The following PLEC variants were observed in gnomAD, a reference collection of about 807,000 sequenced individuals.
PLEC encodes hemidesmosomal protein 1.
Under a neutral mutation model 392.8 loss-of-function variants are expected in PLEC, and 216 were observed. That is an observed-to-expected ratio of 0.55 (90% CI 0.49 to 0.62). PLEC has a LOEUF of 0.62. Ranked by LOEUF, PLEC falls within the 20% of genes least tolerant of loss-of-function variation. The pLI is 0.00. For missense variants in PLEC, 6,863 were observed against 6,563.4 expected (o/e 1.05, Z -1.58); for synonymous variants, 3,621 against 2,980.6 (o/e 1.21, Z -7.00).
Position 143,920,444 on chromosome 8 carries a change from G to A in PLEC, c.9377C>T (p.Pro3126Leu), listed in dbSNP as rs868966940. 6.3e-7 allele frequency: 1 copy of A among 1,599,706 alleles called. No individual in the cohort carries two copies. Among genetic ancestry groups the A allele is most frequent in the Admixed American group, 1.7e-5 (1 of 59,472 alleles). ...CAACAGGCGCAGGCCCTGCTCCCGG[G>A]GAATGAGGCCCTTCTTCAGGGCCTG... ...LFQALKKGLI[P>L]REQGLRLLDA... Residue 3126 changes from proline to leucine, a missense_variant, in exon 32 of 32, where the codon CCC becomes CTC. Pro to Leu is a moderately conservative substitution (Grantham distance 98, BLOSUM62 -3). Transcript: ENST00000345136.
At chr8:143,942,548 C>A (rs781990073), upstream of PLEC, 53 of 1,540,054 alleles carry the variant, frequency 3.4e-5, no homozygotes, top group Admixed American at 5.8e-5. Context: ...GTTCGGCCCA[C>A]GGACAGTGCG....
rs1222114368 is a variant in PLEC at position 143,973,529 on chromosome 8, T to C, written c.-57A>G. On this transcript the variant is annotated 5_prime_UTR_variant, in exon 1 of 32. Transcript: ENST00000356346. The surrounding 1 kb of genome is among the most constrained non-coding windows in gnomAD (Gnocchi z 5.6). ...AGCCTCCAGCACCCGGCGGCCACTC[T>C]GTCCCCGCGGCCGCGCGCGCCGCTT... The C allele has an allele frequency of 6.6e-5, 79 of 1,204,692 alleles. No homozygotes were observed. Among genetic ancestry groups the C allele is most frequent in the Admixed American group, 9.3e-5 (2 of 21,482 alleles). The allele number at this position is 1,204,692 out of a possible 1,614,324, so 74.6% of individuals were successfully genotyped here.
intron 1 of PLEC, among the ~76,000 whole-genome samples, chr8:143,946,815 C>A (rs963540899): frequency 1.4e-5 from 2 of 145,736 alleles, no homozygotes; most frequent in Non-Finnish European, 3.0e-5. Flanking sequence ...AGGAGCCAGG[C>A]GGGAGCAGAG....
intron 5 of PLEC, 71 bp downstream of exon 5, chr8:143,936,908 G>C (rs1289846321): frequency 8.1e-7 from 1 of 1,236,070 alleles, no homozygotes; most frequent in African/African-American, 1.5e-5. Context: ...GGATCAACCC[G>C]CCAGCCAAGG....
chr8:143,966,728 G>A (rs1347066733), intron 1 of PLEC, among the ~76,000 whole-genome samples: 2 of 152,144 alleles, frequency 1.3e-5, no homozygotes, highest in African/African-American at 2.4e-5. Context: ...GGCAGGGCTC[G>A]GCTCGGGGGC....
chr8:143,934,674 G>A lies in PLEC; in HGVS notation c.1002C>T (p.Ala334=), dbSNP rs370574829. The change falls in exon 10 of 32, where the codon GCC becomes GCT. Residue 334 remains alanine, a synonymous_variant. Coordinates refer to ENST00000345136, the MANE Select transcript of PLEC (RefSeq NM_201384.3). ...FKEMELPAKE[A]DKNRSKGIYQ... is the part of the protein sequence containing the mutation. ...AGATGCCCTTGGACCTGTTCTTGTC[G>A]GCCTCCTTGGCTGGTAGCTCCATCT... is the stretch of plus-strand genomic sequence containing the variant. 4.8e-5 allele frequency: 78 copies of A among 1,612,924 alleles called. No individual in the cohort carries two copies. The highest frequency in any genetic ancestry group is 2.3e-4 in the Admixed American group (14 of 60,002).
At position 143,927,627 on chromosome 8, in the gene PLEC, C is replaced by A. The variant is rs782477789; in HGVS notation, c.3539G>T (p.Arg1180Leu). The change falls in exon 27 of 32, where the codon CGG becomes CTG. Residue 1180 changes from arginine to leucine, a missense_variant. Arg to Leu is a moderately radical substitution (Grantham distance 102). Coordinates refer to ENST00000345136, the MANE Select transcript of PLEC (RefSeq NM_201384.3). ...CCAGCGCTCAAGCAACTGGGCGACC[C>A]GCTCCCGCCAGCGCTCCACCTCCAC... is the stretch of plus-strand genomic sequence containing the variant. ...RDVEVERWRE[R>L]VAQLLERWQA... is the part of the protein sequence containing the mutation. 33 of 1,584,820 alleles carry A rather than the reference C, an allele frequency of 2.1e-5. No individual in the cohort carries two copies. The highest frequency in any genetic ancestry group is 2.8e-5 in the Non-Finnish European group (33 of 1,169,982).
rs372858742 is a variant in PLEC, at chr8:143,922,237, C to T, written c.7584G>A (p.Gln2528=). 87 of 1,585,396 alleles carry T rather than the reference C, an allele frequency of 5.5e-5. No individual in the cohort carries two copies. The African/African-American group carries it at 1.0e-3, about 19-fold the overall frequency. The change falls in exon 32 of 32, where the codon CAG becomes CAA. Residue 2528 remains glutamine (Q), a synonymous_variant. Transcript: ENST00000345136. ...QLFQDEVAKA[Q]QLREEQQRQQ... is the part of the protein sequence containing the mutation. ...GCCGCTGCTGCTCCTCACGCAGCTG[C>T]TGTGCCTTGGCCACCTCGTCCTGGA...
At position 143,973,269 on chromosome 8, in the gene PLEC, G is replaced by A; in HGVS notation, c.70+134C>T. The A allele has an allele frequency of 8.8e-7, 1 of 1,139,824 alleles. No individual in the cohort carries two copies. The allele number at this position is 1,139,824 out of a possible 1,614,324, so 70.6% of individuals were successfully genotyped here. On this transcript the variant is annotated intron_variant, in intron 1 of 31. Transcript: ENST00000356346. The surrounding 1 kb of genome is among the most constrained non-coding windows in gnomAD (Gnocchi z 5.6). The stretch of plus-strand genomic sequence containing the variant: ...CCCTAGGCACTGGCAGCCGTTGGGG[G>A]CGATCCAGGCGGACGAGGCCGGCGG...
rs559970805 is a variant in PLEC, at chr8:143,927,297, G to C, written c.3795C>G (p.Val1265=). The C allele has an allele frequency of 2.5e-6, 4 of 1,613,274 alleles. No individual in the cohort carries two copies. In the Admixed American group the frequency reaches 6.7e-5, roughly 27 times the overall value. ...LEEIERHGEK[V]EECQRFAKQY... is the part of the protein sequence containing the mutation. The stretch of plus-strand genomic sequence containing the variant: ...GTTTCGCAAACCTCTGGCACTCCTC[G>C]ACCTTCTCGCCGTGGCGCTCGATCT... Residue 1265 remains valine (V), a synonymous_variant, in exon 28 of 32, where the codon GTC becomes GTG. Coordinates refer to ENST00000345136, the MANE Select transcript of PLEC (RefSeq NM_201384.3).
rs1554668478 is a variant in PLEC, at chr8:143,916,280, G to A, written c.13541C>T (p.Ser4514Phe). ...GTAGGAGGATGAAGAGAAGGTCATG[G>A]AGAAGCCGGAGCCGGTGGCGTCAAA... ...GSFDATGSGF[S>F]MTFSSSSYSS... is the part of the protein sequence containing the mutation. Residue 4514 changes from serine (S) to phenylalanine (F), a missense_variant, in exon 32 of 32, where the codon TCC becomes TTC. Coordinates refer to ENST00000345136, the MANE Select transcript of PLEC (RefSeq NM_201384.3). 6.4e-7 allele frequency: 1 copy of A among 1,560,798 alleles called. No homozygotes were observed. The highest frequency in any genetic ancestry group is 8.7e-7 in the Non-Finnish European group (1 of 1,153,416).
rs782370153 is a variant in PLEC at position 143,929,246 on chromosome 8, C to T, written c.3117G>A (p.Gly1039=). ...CGGCCTCGGCAGAGAGCCGGGCGACCCCCTTGCCCAGCCCCTCCACCTCTG... is the reference window on the plus strand; with the variant it reads ...CGGCCTCGGCAGAGAGCCGGGCGACTCCCTTGCCCAGCCCCTCCACCTCTG... The part of the protein sequence containing the change: ...AQAEVEGLGK[G]VARLSAEAEK... The change falls in exon 25 of 32, where the codon GGG becomes GGA. Residue 1039 remains glycine (G), a synonymous_variant. Coordinates refer to ENST00000345136, the MANE Select transcript of PLEC (RefSeq NM_201384.3). 3 of 1,602,056 alleles carry T rather than the reference C, an allele frequency of 1.9e-6. No individual in the cohort carries two copies. In the East Asian group the frequency reaches 6.7e-5, roughly 36 times the overall value.
Position 143,925,191 on chromosome 8 carries a change from T to A in PLEC, c.4738A>T (p.Ser1580Cys). Residue 1580 changes from serine (S) to cysteine (C), a missense_variant, in exon 31 of 32, where the codon AGC becomes TGC. Coordinates refer to ENST00000345136, the MANE Select transcript of PLEC (RefSeq NM_201384.3). ...AQRSAEAELQ[S>C]KRASFAEKTA... ...TTCTCGGCGAAGGAGGCGCGTTTGCTCTGCAGCTCCGCCTCTGCACTGCGC... is the reference window on the plus strand; with the variant it reads ...TTCTCGGCGAAGGAGGCGCGTTTGCACTGCAGCTCCGCCTCTGCACTGCGC... 1 of 1,582,614 alleles carries A rather than the reference T, an allele frequency of 6.3e-7. No homozygotes were observed. Among genetic ancestry groups the A allele is most frequent in the Non-Finnish European group, 8.5e-7 (1 of 1,172,910 alleles).
chr8:143,973,120 G>C lies in PLEC; in HGVS notation c.70+283C>G, dbSNP rs982449634. On this transcript the variant is annotated intron_variant, in intron 1 of 31. Coordinates refer to the PLEC transcript ENST00000356346. This position sits in a 1 kb window ranked among gnomAD's most constrained non-coding sequence, Gnocchi z 5.6. The stretch of plus-strand genomic sequence containing the variant: ...GCCACAGACACCGGATCCTGGCTCA[G>C]ACAGCCGACCCCGACAAGCCCTGAG... 6.6e-6 allele frequency among the ~76,000 whole-genome samples: 1 copy of C among 152,176 alleles called. No individual in the cohort carries two copies. Among genetic ancestry groups the C allele is most frequent in the East Asian group, 1.9e-4 (1 of 5,178 alleles).
At position 143,917,138 on chromosome 8, in the gene PLEC, G is replaced by T. The variant is rs886044804; in HGVS notation, c.12683C>A (p.Ser4228Tyr). The part of the protein sequence containing the change: ...ALDQYRAGTL[S>Y]ITEFADMLSG... ...GAGCATGTCGGCGAACTCGGTGATG[G>T]AGAGCGTGCCGGCGCGGTACTGGTC... The change falls in exon 32 of 32, where the codon TCC becomes TAC. Residue 4228 changes from serine (S) to tyrosine (Y), a missense_variant. Coordinates refer to ENST00000345136, the MANE Select transcript of PLEC (RefSeq NM_201384.3). The T allele has an allele frequency of 6.2e-7, 1 of 1,604,686 alleles. No individual in the cohort carries two copies. The highest frequency in any genetic ancestry group is 8.5e-7 in the Non-Finnish European group (1 of 1,172,870).
chr8:143,940,571 G>A (rs1252236689), upstream of PLEC, among the ~76,000 whole-genome samples: 2 of 152,182 alleles, frequency 1.3e-5, no homozygotes, highest in African/African-American at 4.8e-5. Flanking sequence ...GGGCGGAGCT[G>A]CCTCTGGCCA....
exon 1 of PLEC, chr8:143,950,192 G>C: frequency 6.6e-7 from 1 of 1,522,776 alleles, no homozygotes; most frequent in South Asian, 1.2e-5. Flanking sequence ...ACCTGTGGCT[G>C]GGGCAGGCTC....
At position 143,921,511 on chromosome 8, in the gene PLEC, G is replaced by A. The variant is rs782338339; in HGVS notation, c.8310C>T (p.Ala2770=). The part of the protein sequence containing the change: ...GPELHHKLLS[A]ERAVTGYKDP... ...CCTTGTAGCCAGTGACGGCGCGCTCGGCCGACAGCAGCTTGTGGTGCAGCT... is the reference window on the plus strand; with the variant it reads ...CCTTGTAGCCAGTGACGGCGCGCTCAGCCGACAGCAGCTTGTGGTGCAGCT... The change falls in exon 32 of 32, where the codon GCC becomes GCT. Residue 2770 remains alanine, a synonymous_variant. Coordinates refer to ENST00000345136, the MANE Select transcript of PLEC (RefSeq NM_201384.3). 37 of 1,612,968 alleles carry A rather than the reference G, an allele frequency of 2.3e-5. No homozygotes were observed. In the Admixed American group the frequency reaches 3.8e-4, roughly 17 times the overall value.
In PLEC at chr8:143,925,509, C is replaced by T. The variant is rs782570956; in HGVS notation, c.4420G>A (p.Glu1474Lys). ...GCCCGTGCACGCAGTGCCTGCAGCT[C>T]CCCCTCAGCCCCGCCACGCTGGCGC... ...TERQRGGAEGELQALRARAEE... is the reference protein window; with the variant it reads ...TERQRGGAEGKLQALRARAEE... The change falls in exon 31 of 32, where the codon GAG becomes AAG. Residue 1474 changes from glutamate (E) to lysine (K), a missense_variant. Transcript: ENST00000345136. 4.4e-6 allele frequency: 7 copies of T among 1,595,406 alleles called. No individual in the cohort carries two copies. Among genetic ancestry groups the T allele is most frequent in the Non-Finnish European group, 5.9e-6 (7 of 1,177,876 alleles).
Sources: allele counts gnomAD v4.1 joint callset (sites outside exome capture counted in the v4.1 genomes callset), GRCh38; gene constraint gnomAD v4.1.1; non-coding constraint Gnocchi (gnomAD v3.1); transcripts MANE v1.5; gene names NCBI Gene and HGNC (gene_info 2026-07-23, HGNC 2026-07-21).